Variants in TBC1D9B observed in about 807,000 individuals in gnomAD.
TBC1D9B encodes the protein TBC1 domain family member 9B, also known as TBC1 domain family, member 9B (with GRAM domain).
Under a neutral mutation model 121.1 loss-of-function variants are expected in TBC1D9B, and 87 were observed. The observed-to-expected ratio is 0.72, with a 90% CI of 0.60 to 0.86. The LOEUF (loss-of-function observed/expected upper bound fraction) is 0.86. TBC1D9B is among the 40% of genes least tolerant of loss of function. The pLI is 0.00. For missense variants in TBC1D9B, 1,540 were observed against 1,628.6 expected, an observed-to-expected ratio of 0.95 and a Z score of 0.94; for synonymous variants, 668 against 670.1, an observed-to-expected ratio of 1.00 and a Z score of 0.05.
rs1433019828 is a variant in TBC1D9B at position 179,891,235 on chromosome 5, C to T, written c.1044+144G>A. 2.2e-6 allele frequency: 2 copies of T among 899,530 alleles called. No homozygotes were observed. The highest frequency in any genetic ancestry group is 3.3e-5 in the African/African-American group (2 of 60,614). 55.7% of individuals were successfully genotyped at this position (899,530 alleles called of 1,614,324 possible). The stretch of plus-strand genomic sequence containing the variant: ...CCTACACCCTCCACCTGTCCCATCA[C>T]TGAGTGACATGTGACTGCCTGGGCT... On this transcript the variant is annotated intron_variant, in intron 6 of 20. Transcript: ENST00000355235. This position sits in a 1 kb window ranked among gnomAD's most constrained non-coding sequence, Gnocchi z 4.3.
At position 179,885,684 on chromosome 5, in the gene TBC1D9B, T is replaced by C. The variant is rs1760663938; in HGVS notation, c.1254+2419A>G. On this transcript the variant is annotated intron_variant, in intron 7 of 20. Transcript: ENST00000355235. The surrounding 1 kb of genome is among the most constrained non-coding windows in gnomAD (Gnocchi z 4.5). ...CAGTGATCTGAACACTCACAGCACATTTCCATTGGCACCCGCTGGATTTCC... is the reference window on the plus strand; with the variant it reads ...CAGTGATCTGAACACTCACAGCACACTTCCATTGGCACCCGCTGGATTTCC... Among the ~76,000 whole-genome samples, 1 of 152,150 alleles carries C rather than the reference T, an allele frequency of 6.6e-6. No individual in the cohort carries two copies. Among genetic ancestry groups the C allele is most frequent in the Admixed American group, 6.5e-5 (1 of 15,278 alleles).
intron 3 of TBC1D9B, 114 bp from the exon 4 acceptor site, chr5:179,894,728 A>G (rs17079782): frequency 0.1 from 100,883 of 1,008,584 alleles, 5,783 homozygotes; most frequent in Middle Eastern, 0.14. Flanking sequence ...TAAGGGCTAC[A>G]GGCACAGCTG....
Position 179,891,802 on chromosome 5 carries a change from G to A in TBC1D9B, c.837-216C>T, listed in dbSNP as rs887528479. Reference sequence around the variant, plus strand: ...AAGGTGAGACAGTCACATAACCAGCGGAGAAGTGGCCAGCAAGCAATGTGT... The same window carrying A: ...AAGGTGAGACAGTCACATAACCAGCAGAGAAGTGGCCAGCAAGCAATGTGT... On this transcript the variant is annotated intron_variant, in intron 5 of 20. Coordinates refer to ENST00000355235, the MANE Select transcript of TBC1D9B (RefSeq NM_015043.4). This position sits in a 1 kb window ranked among gnomAD's most constrained non-coding sequence, Gnocchi z 4.3. 2.0e-5 allele frequency among the ~76,000 whole-genome samples: 3 copies of A among 152,156 alleles called. No homozygotes were observed. Among genetic ancestry groups the A allele is most frequent in the Admixed American group, 6.5e-5 (1 of 15,282 alleles).
rs1302964223 is a variant in TBC1D9B, at chr5:179,865,933, G to A, written c.2864-45C>T. The A allele has an allele frequency of 6.2e-7, 1 of 1,610,468 alleles. No homozygotes were observed. The highest frequency in any genetic ancestry group is 2.2e-5 in the East Asian group (1 of 44,860). ...AAAAGAACATGAATAACATTCTGCT[G>A]TTGGGACTGCAAGCTCCTGGGGTCC... On this transcript the variant is annotated intron_variant, in intron 18 of 20. Transcript: ENST00000355235. This position sits in a 1 kb window ranked among gnomAD's most constrained non-coding sequence, Gnocchi z 5.1.
In TBC1D9B at chr5:179,904,778, G is replaced by A. The variant is rs373333109; in HGVS notation, c.153C>T (p.Asp51=). 1 of 1,574,082 alleles carries A rather than the reference G, an allele frequency of 6.4e-7. No individual in the cohort carries two copies. Among genetic ancestry groups the A allele is most frequent in the Non-Finnish European group, 8.6e-7 (1 of 1,159,802 alleles). ...LLVGTLDVVL[D]SSARVAPYRI... ...GGTAAGGGGCCACGCGGGCACTGGA[G>A]TCCAGCACCACGTCCAGGGTGCCCA... Residue 51 remains aspartate, a synonymous_variant, in exon 2 of 21, where the codon GAC becomes GAT. Coordinates refer to ENST00000355235, the MANE Select transcript of TBC1D9B (RefSeq NM_015043.4). The surrounding 1 kb of genome is among the most constrained non-coding windows in gnomAD (Gnocchi z 4.2).
chr5:179,869,877 G>C, intron 16 of TBC1D9B, 43 bp from the exon 17 acceptor site: 2 of 1,511,682 alleles, frequency 1.3e-6, no homozygotes, highest in Non-Finnish European at 1.8e-6. Context: ...CAACATGGCT[G>C]CAGAGCCCCT....
At chr5:179,901,851 C>T (rs1761174786) in intron 2 of TBC1D9B, among the ~76,000 whole-genome samples, 1 of 152,212 alleles carries the variant, frequency 6.6e-6, no homozygotes, top group Admixed American at 6.5e-5. Context: ...AGAAACTATT[C>T]CATCTCTATG....
In TBC1D9B at chr5:179,904,795, G is replaced by C. The variant is rs759149480; in HGVS notation, c.136C>G (p.Leu46Val). The C allele has an allele frequency of 1.9e-6, 3 of 1,564,946 alleles. No individual in the cohort carries two copies. Among genetic ancestry groups the C allele is most frequent in the Non-Finnish European group, 2.6e-6 (3 of 1,154,682 alleles). Residue 46 changes from leucine to valine, a missense_variant, in exon 2 of 21, where the codon CTG becomes GTG. Transcript: ENST00000355235. This position sits in a 1 kb window ranked among gnomAD's most constrained non-coding sequence, Gnocchi z 4.2. ...GCACTGGAGTCCAGCACCACGTCCA[G>C]GGTGCCCACGAGAAGACCTGGGAAC... Reference protein sequence around the residue: ...GGLTGLLVGTLDVVLDSSARV... With the variant: ...GGLTGLLVGTVDVVLDSSARV...
chr5:179,901,729 C>T (rs140673478), intron 2 of TBC1D9B, among the ~76,000 whole-genome samples: 45 of 152,272 alleles, frequency 3.0e-4, no homozygotes, highest in African/African-American at 1.0e-3. Context: ...GATTGCACCA[C>T]GGCACTCCAG....
At position 179,863,672 on chromosome 5, in the gene TBC1D9B, C is replaced by T. The variant is rs139669983; in HGVS notation, c.3478G>A (p.Val1160Met). 59 of 1,613,786 alleles carry T rather than the reference C, an allele frequency of 3.7e-5. No homozygotes were observed. The African/African-American group carries it at 6.0e-4, about 16-fold the overall frequency. Reference protein sequence around the residue: ...CEDLADDTVLVGGEACSPTAR... With the variant: ...CEDLADDTVLMGGEACSPTAR... ...GTGGGGCTGCAGGCCTCCCCGCCCA[C>T]CAGCACCGTGTCGTCTGCAAGGTCT... Residue 1160 changes from valine (V) to methionine (M), a missense_variant, in exon 21 of 21, where the codon GTG (valine) becomes ATG (methionine). Transcript: ENST00000355235. The surrounding 1 kb of genome is among the most constrained non-coding windows in gnomAD (Gnocchi z 4.5).
chr5:179,872,545 T>C (rs1378876556), intron 14 of TBC1D9B: 2 of 294,344 alleles, frequency 6.8e-6, no homozygotes, highest in Non-Finnish European at 1.3e-5. Flanking sequence ...CCATTTGGGG[T>C]GTGCGGAGGA....
intron 3 of TBC1D9B, among the ~76,000 whole-genome samples, chr5:179,896,138 T>C (rs531215979): frequency 1.8e-4 from 28 of 152,348 alleles, no homozygotes; most frequent in African/African-American, 5.5e-4. Flanking sequence ...TGTCCTGTTA[T>C]TGTTCTTTAA....
rs1232739171 is a variant in TBC1D9B at position 179,879,037 on chromosome 5, C to T, written c.1567+10G>A. ...TGAGCTGAGGCTGGGGGTGGCTGCA[C>T]CCCACTCACCGGAGAAGAGGAGCCA... On this transcript the variant is annotated intron_variant, in intron 9 of 20. Coordinates refer to ENST00000355235, the MANE Select transcript of TBC1D9B (RefSeq NM_015043.4). 1.9e-6 allele frequency: 3 copies of T among 1,599,414 alleles called. No homozygotes were observed. Among genetic ancestry groups the T allele is most frequent in the African/African-American group, 2.7e-5 (2 of 75,010 alleles).
At position 179,907,214 on chromosome 5, in the gene TBC1D9B, C is replaced by G. The variant is rs1761347914; in HGVS notation, c.118+490G>C. On this transcript the variant is annotated intron_variant, in intron 1 of 20. Transcript: ENST00000355235. This position sits in a 1 kb window ranked among gnomAD's most constrained non-coding sequence, Gnocchi z 5.3. Reference sequence around the variant, plus strand: ...TGGGGGTGCGGCCAGCTCCAGGGACCTCTGATCTTGCTAAAAGGGCGATAC... The same window carrying G: ...TGGGGGTGCGGCCAGCTCCAGGGACGTCTGATCTTGCTAAAAGGGCGATAC... Among the ~76,000 whole-genome samples, 1 of 152,158 alleles carries G rather than the reference C, an allele frequency of 6.6e-6. No individual in the cohort carries two copies. Among genetic ancestry groups the G allele is most frequent in the Non-Finnish European group, 1.5e-5 (1 of 68,016 alleles).
Position 179,869,800 on chromosome 5 carries a change from G to A in TBC1D9B, c.2760C>T (p.Leu920=). The part of the protein sequence containing the change: ...GMYHGDLTEK[L]KVLYKLHLPP... ...GAAGGTGTAGCTTGTAGAGCACCTT[G>A]AGCTTCTCTGTCAGGTCCCCGTGGT... is the stretch of plus-strand genomic sequence containing the variant. The change falls in exon 17 of 21, where the codon CTC becomes CTT. Residue 920 remains leucine (L), a synonymous_variant. Coordinates refer to ENST00000355235, the MANE Select transcript of TBC1D9B (RefSeq NM_015043.4). 1.3e-6 allele frequency: 2 copies of A among 1,580,300 alleles called. No individual in the cohort carries two copies. Among genetic ancestry groups the A allele is most frequent in the Non-Finnish European group, 8.6e-7 (1 of 1,160,902 alleles).
chr5:179,899,977 C>T (rs189236515), intron 2 of TBC1D9B, among the ~76,000 whole-genome samples: 8 of 152,162 alleles, frequency 5.3e-5, no homozygotes, highest in African/African-American at 1.9e-4. Context: ...TGCCTGTAAT[C>T]CCAGCACTTT....
chr5:179,879,459 C>A, intron 8 of TBC1D9B, 169 bp downstream of exon 8: 1 of 1,153,992 alleles, frequency 8.7e-7, no homozygotes, highest in Non-Finnish European at 1.2e-6. Context: ...GCGGAGCCCC[C>A]CAGAGAGTGC....
rs756708771 is a variant in TBC1D9B at position 179,867,848 on chromosome 5, A to G, written c.2793T>C (p.Ala931=). The stretch of plus-strand genomic sequence containing the variant: ...CTGACTCGGCTTCCTCTGGGCTCAG[A>G]GCTGTGCTTGGAGAGAAGGCAGAGT... The part of the protein sequence containing the change: ...KVLYKLHLPP[A]LSPEEAESAL... The change falls in exon 18 of 21, where the codon GCT becomes GCC. Residue 931 remains alanine (A), a splice_region_variant and synonymous_variant. Transcript: ENST00000355235. 6.6e-6 allele frequency: 10 copies of G among 1,517,044 alleles called. 1 individual carries two copies. In the African/African-American group the frequency reaches 1.4e-4, roughly 21 times the overall value. 94.0% of individuals were successfully genotyped at this position (1,517,044 alleles called of 1,614,324 possible).
rs750991198 is a variant in TBC1D9B, at chr5:179,870,233, G to A, written c.2725+22C>T. 6.8e-6 allele frequency: 11 copies of A among 1,612,752 alleles called. No homozygotes were observed. In the East Asian group the frequency reaches 1.3e-4, roughly 20 times the overall value. On this transcript the variant is annotated intron_variant, in intron 16 of 20. Transcript: ENST00000355235. ...AAGGGTGAGGGAGGGTCAAGCCCCTGGTAGGCCCTGCAGGCACTCACTCAT... is the reference window on the plus strand; with the variant it reads ...AAGGGTGAGGGAGGGTCAAGCCCCTAGTAGGCCCTGCAGGCACTCACTCAT...
Sources: allele counts gnomAD v4.1 joint callset (sites outside exome capture counted in the v4.1 genomes callset), GRCh38; gene constraint gnomAD v4.1.1; non-coding constraint Gnocchi (gnomAD v3.1); transcripts MANE v1.5; gene names NCBI Gene and HGNC (gene_info 2026-07-23, HGNC 2026-07-21).